Variants in ANKRD27 observed in about 807,000 individuals in gnomAD.
The protein encoded by ANKRD27 is ankyrin repeat domain-containing protein 27.
Under a neutral mutation model 129.7 loss-of-function variants are expected in ANKRD27, and 112 were observed. That is an observed-to-expected ratio of 0.86 (90% CI 0.74 to 1.01). The LOEUF (loss-of-function observed/expected upper bound fraction) is 1.01. Among genes scored for constraint, ANKRD27 ranks in the 50% least tolerant of loss-of-function variants. ANKRD27 has a pLI of 0.00. For synonymous variants in ANKRD27, 516 were observed against 511.2 expected (o/e 1.01, Z -0.13); for missense variants, 1,258 against 1,300.5 (o/e 0.97, Z 0.50).
At chr19:32,649,583 G>A in intron 3 of ANKRD27, 99 bp downstream of exon 3, 1 of 836,906 alleles carries the variant, frequency 1.2e-6, no homozygotes, top group Non-Finnish European at 2.0e-6. Context: ...TGCCACCATT[G>A]CCAGTAGCTG....
chr19:32,674,769 G>A (rs980475837), intron 1 of ANKRD27, among the ~76,000 whole-genome samples: 3 of 151,684 alleles, frequency 2.0e-5, no homozygotes, highest in African/African-American at 4.8e-5. Context: ...CCGGCACCCC[G>A]GCCACACCCG....
chr19:32,639,512 ATGT>A lies in ANKRD27; in HGVS notation c.984-27_984-25del, dbSNP rs371832122. Reference sequence around the variant, plus strand: ...TCCTAATGAAAGGAAGAAAAAAGTTATGTTGTTGTCTATCCAAGTCACACTTCT... The same window carrying A: ...TCCTAATGAAAGGAAGAAAAAAGTTATGTTGTCTATCCAAGTCACACTTCT... On this transcript the variant is annotated intron_variant, in intron 11 of 28. Transcript: ENST00000306065. The A allele has an allele frequency of 5.1e-4, 820 of 1,609,606 alleles. 4 individuals carry two copies. Among genetic ancestry groups the A allele is most frequent in the South Asian group, 4.7e-3 (426 of 90,580 alleles).
intron 15 of ANKRD27, among the ~76,000 whole-genome samples, chr19:32,627,362 TTTTATTTA>T (rs149637042): frequency 0.03 from 3,918 of 132,270 alleles, 149 homozygotes; most frequent in East Asian, 0.12. Flanking sequence ...GTGCACTTTA[TTTTATTTA>T]TTTATTTATT....
chr19:32,647,876 T>TA (rs1357432702), intron 3 of ANKRD27, among the ~76,000 whole-genome samples: 3 of 152,198 alleles, frequency 2.0e-5, no homozygotes, highest in African/African-American at 7.2e-5. Context: ...TTCCATCTCT[T>TA]AGATAGGGAG....
intron 1 of ANKRD27, among the ~76,000 whole-genome samples, chr19:32,661,684 T>C (rs1967648887): frequency 6.6e-6 from 1 of 151,994 alleles, no homozygotes; most frequent in African/African-American, 2.4e-5. Flanking sequence ...TCAGTATACT[T>C]GGGGGATTGG....
chr19:32,674,163 A>G (rs1967931347), intron 1 of ANKRD27, among the ~76,000 whole-genome samples: 1 of 152,040 alleles, frequency 6.6e-6, no homozygotes, highest in Non-Finnish European at 1.5e-5. Flanking sequence ...TCTCAAAAAG[A>G]AAAAAACGAA....
chr19:32,670,026 A>G (rs538534129), intron 1 of ANKRD27, among the ~76,000 whole-genome samples: 1 of 151,630 alleles, frequency 6.6e-6, no homozygotes, highest in Non-Finnish European at 1.5e-5. Flanking sequence ...AAATGAAAAA[A>G]ACGGCAGGGA....
At chr19:32,650,481 G>GA (rs1372075888) in intron 2 of ANKRD27, among the ~76,000 whole-genome samples, 49 of 152,176 alleles carry the variant, frequency 3.2e-4, no homozygotes, top group Non-Finnish European at 5.7e-4. Context: ...GAGGTCAGCA[G>GA]TTTGAGACCA....
chr19:32,600,875 A>G (rs78290878), intron 26 of ANKRD27, among the ~76,000 whole-genome samples: 1 of 152,258 alleles, frequency 6.6e-6, no homozygotes, highest in African/African-American at 2.4e-5. Context: ...TTCATATTGT[A>G]AATTAAAAAA....
Position 32,642,897 on chromosome 19 carries a change from G to A in ANKRD27, c.782+226C>T, listed in dbSNP as rs374745414. On this transcript the variant is annotated intron_variant, in intron 9 of 28. Transcript: ENST00000306065. Reference sequence around the variant, plus strand: ...AGCTGCACAAAACCCCGTGCCCAGCGGCTCCCATCCAGCTGGCGTGCTGGT... The same window carrying A: ...AGCTGCACAAAACCCCGTGCCCAGCAGCTCCCATCCAGCTGGCGTGCTGGT... 1.6e-4 allele frequency among the ~76,000 whole-genome samples: 24 copies of A among 152,188 alleles called. No individual in the cohort carries two copies. In the South Asian group the frequency reaches 2.3e-3, roughly 14 times the overall value.
chr19:32,626,013 G>A (rs2145281473), intron 16 of ANKRD27, 47 bp from the exon 17 acceptor site: 2 of 1,496,890 alleles, frequency 1.3e-6, no homozygotes, highest in East Asian at 2.4e-5. Flanking sequence ...CCGGCTCCCT[G>A]GGAGGCCCGG....
At position 32,622,450 on chromosome 19, in the gene ANKRD27, G is replaced by A. The variant is rs772946463; in HGVS notation, c.1799C>T (p.Thr600Met). 2.8e-5 allele frequency: 45 copies of A among 1,613,680 alleles called. No individual in the cohort carries two copies. Among genetic ancestry groups the A allele is most frequent in the Non-Finnish European group, 3.4e-5 (40 of 1,180,022 alleles). The stretch of plus-strand genomic sequence containing the variant: ...TGAGTTTAATGCACACTTGAGGGGC[G>A]TCTCCTTCAGTCTGTTCTGGATCTC... ...STEIQNRLKE[T>M]PLKCALNSKI... The change falls in exon 18 of 29, where the codon ACG becomes ATG. Residue 600 changes from threonine to methionine, a missense_variant. Coordinates refer to ENST00000306065, the MANE Select transcript of ANKRD27 (RefSeq NM_032139.3).
Position 32,598,166 on chromosome 19 carries a change from C to T in ANKRD27, c.3132G>A (p.Glu1044=), listed in dbSNP as rs1971596993. The change falls in exon 29 of 29, where the codon GAG becomes GAA. Residue 1044 remains glutamate (E), a synonymous_variant. Transcript: ENST00000306065. ...EAAGPLSTPQ[E]VSASRS ...CCTGTTAGGACCGGGAAGCACTAAC[C>T]TCTTGGGGAGTGGAGAGGGGGCCAG... 1 of 1,614,150 alleles carries T rather than the reference C, an allele frequency of 6.2e-7. No individual in the cohort carries two copies. Among genetic ancestry groups the T allele is most frequent in the East Asian group, 2.2e-5 (1 of 44,878 alleles).
intron 23 of ANKRD27, among the ~76,000 whole-genome samples, chr19:32,606,844 T>C (rs192172146): frequency 7.0e-6 from 1 of 142,568 alleles, no homozygotes; most frequent in Admixed American, 7.5e-5. Context: ...GGCTCATCCC[T>C]GTAATCCCAG....
At chr19:32,627,784 A>T (rs1302647100) in intron 15 of ANKRD27, among the ~76,000 whole-genome samples, 2 of 152,240 alleles carry the variant, frequency 1.3e-5, no homozygotes, top group Non-Finnish European at 2.9e-5. Context: ...GACCGTTCTC[A>T]TAGTTCAGAT....
chr19:32,650,853 A>G (rs964620668), intron 2 of ANKRD27, among the ~76,000 whole-genome samples: 2 of 148,126 alleles, frequency 1.4e-5, no homozygotes, highest in African/African-American at 5.0e-5. Flanking sequence ...GGCTCAAGCC[A>G]TCCTCCTGCC....
At position 32,599,988 on chromosome 19, in the gene ANKRD27, AG is replaced by A. The variant is rs1265928507; in HGVS notation, c.2829del (p.Ser944GlnfsTer23). 1 of 1,612,848 alleles carries A rather than the reference AG, an allele frequency of 6.2e-7. No homozygotes were observed. Among genetic ancestry groups the A allele is most frequent in the East Asian group, 2.2e-5 (1 of 44,860 alleles). The stretch of plus-strand genomic sequence containing the variant: ...CATACTCACTTAAACTGACCAGCTG[AG>A]TGGACAAAGTAAAACTGTCTTGTAA... ...EPFTRQFYFV[H>X]SAGQFKGKTS... On this transcript the variant is annotated frameshift_variant, in exon 27 of 29. Transcript: ENST00000306065. LOFTEE classifies it high-confidence loss of function.
chr19:32,599,794 C>T lies in ANKRD27; in HGVS notation c.2847-18G>A, dbSNP rs758024173. ...TCTTTCCCCTAAAACCCAAAATAAA[C>T]GAAAATAAATATTTGGGACAGTGGC... On this transcript the variant is annotated intron_variant, in intron 27 of 28. Transcript: ENST00000306065. 78 of 1,610,146 alleles carry T rather than the reference C, an allele frequency of 4.8e-5. No individual in the cohort carries two copies. Among genetic ancestry groups the T allele is most frequent in the Non-Finnish European group, 6.2e-5 (73 of 1,178,740 alleles).
At chr19:32,602,725 C>CT (rs2145256026) in intron 25 of ANKRD27, among the ~76,000 whole-genome samples, 1 of 151,888 alleles carries the variant, frequency 6.6e-6, no homozygotes, top group African/African-American at 2.4e-5. Context: ...AAAACCCTGT[C>CT]TCTATTAAAA....
Sources: gnomAD v4.1 joint callset for allele counts (sites outside exome capture counted in the v4.1 genomes callset) on GRCh38, gnomAD v4.1.1 for gene constraint, MANE v1.5 for transcripts, NCBI Gene and HGNC (gene_info 2026-07-23, HGNC 2026-07-21) for gene names.